Variants in UNC79 observed in about 807,000 individuals in gnomAD.
UNC79 encodes unc-79 subunit of NALCN channel complex, also known as protein unc-79 homolog.
Under a neutral mutation model 283.1 loss-of-function variants are expected in UNC79, and 37 were observed. The observed-to-expected ratio is 0.13, with a 90% confidence interval of 0.10 to 0.17. The LOEUF (loss-of-function observed/expected upper bound fraction) is 0.17. UNC79 is among the 10% of genes least tolerant of loss of function. The pLI, the probability that UNC79 is intolerant of heterozygous loss-of-function variation, is 1.00. For missense variants in UNC79, 2,272 were observed against 3,211.1 expected (o/e 0.71, Z 7.07); for synonymous variants, 1,107 against 1,200.2 (o/e 0.92, Z 1.61).
At chr14:93,693,661 G>A (rs2074873399) in intron 46 of UNC79, among the ~76,000 whole-genome samples, 1 of 152,150 alleles carries the variant, frequency 6.6e-6, no homozygotes, top group Non-Finnish European at 1.5e-5. Context: ...CAGATCTGCA[G>A]TGAATTAAAC....
exon 4 of UNC79, chr14:93,477,589 A>G: frequency 1.2e-6 from 2 of 1,609,338 alleles, no homozygotes; most frequent in East Asian, 2.2e-5. Flanking sequence ...ATACAACTAC[A>G]TGTTTGCTAC....
intron 41 of UNC79, among the ~76,000 whole-genome samples, chr14:93,679,268 G>A (rs1044923961): frequency 6.6e-6 from 1 of 152,148 alleles, no homozygotes; most frequent in African/African-American, 2.4e-5. Context: ...AGACCATCCT[G>A]GCTAACATGG....
chr14:93,558,206 G>A (rs527763540), intron 14 of UNC79, among the ~76,000 whole-genome samples: 388 of 152,284 alleles, frequency 2.5e-3, no homozygotes, highest in Non-Finnish European at 4.7e-3. Flanking sequence ...TCATATCACA[G>A]TACAGCAGAT....
intron 30 of UNC79, among the ~76,000 whole-genome samples, chr14:93,625,969 A>C (rs1196478124): frequency 6.6e-6 from 1 of 152,222 alleles, no homozygotes; most frequent in Non-Finnish European, 1.5e-5. Flanking sequence ...GCAACAGCAC[A>C]TGGGCCAAAT....
Position 93,467,664 on chromosome 14 carries a change from T to TTTTTTTTA in UNC79, c.23-7_23-6insTTTTTTTA. 8.2e-7 allele frequency: 1 copy of TTTTTTTTA among 1,224,134 alleles called. No individual in the cohort carries two copies. The highest frequency in any genetic ancestry group is 1.0e-6 in the Non-Finnish European group (1 of 979,748). 75.8% of individuals were successfully genotyped at this position (1,224,134 alleles called of 1,614,324 possible). A position where few individuals can be genotyped will look rare whatever the true frequency, so the allele number is the denominator to read the frequency against. On this transcript the variant is annotated splice_region_variant and splice_polypyrimidine_tract_variant and intron_variant, in intron 1 of 48. Coordinates refer to ENST00000555664, the Ensembl canonical transcript of UNC79. The stretch of plus-strand genomic sequence containing the variant: ...TTTTTTTTTTTTTTTTTTTTGCTTT[T>TTTTTTTTA]ATCTAGTTGCTTCCAAGATCCGGTA...
chr14:93,587,641 G>T (rs58447296), intron 22 of UNC79, among the ~76,000 whole-genome samples: 2,574 of 152,184 alleles, frequency 0.017, 37 homozygotes, highest in South Asian at 0.086. Flanking sequence ...AGTTTGGAAG[G>T]GGGTGAATCC....
Position 93,387,151 on chromosome 14 carries a change from C to A in UNC79, c.-351+53628C>A, listed in dbSNP as rs532910122. 2.6e-4 allele frequency among the ~76,000 whole-genome samples: 40 copies of A among 151,984 alleles called. 1 individual carries two copies. The South Asian group carries it at 3.9e-3, about 15-fold the overall frequency. On this transcript the variant is annotated intron_variant, in intron 1 of 49. Transcript: ENST00000256339. ...AGAGACGGGGTTTCACCATGTTAGTCAGGCTGGTCGCAAACTCCTGACCTC... is the reference window on the plus strand; with the variant it reads ...AGAGACGGGGTTTCACCATGTTAGTAAGGCTGGTCGCAAACTCCTGACCTC...
At chr14:93,477,767 T>G (rs2057886522) in intron 4 of UNC79, 39 bp downstream of exon 4, 1 of 1,573,466 alleles carries the variant, frequency 6.4e-7, no homozygotes. Flanking sequence ...TATTTTTATG[T>G]ATGATATGAA....
chr14:93,392,104 A>G (rs896165974), intron 1 of UNC79, among the ~76,000 whole-genome samples: 8 of 152,350 alleles, frequency 5.3e-5, no homozygotes, highest in African/African-American at 1.9e-4. Context: ...ATATATCCAC[A>G]TATGCAATGG....
At chr14:93,406,440 T>C (rs2055227253) in intron 1 of UNC79, among the ~76,000 whole-genome samples, 2 of 151,642 alleles carry the variant, frequency 1.3e-5, no homozygotes, top group South Asian at 2.1e-4. Context: ...AAAAGAAAAT[T>C]AGTCAGGCAT....
In UNC79 at chr14:93,621,988, T is replaced by C; in HGVS notation, c.4755T>C (p.Cys1585=). 6.2e-7 allele frequency: 1 copy of C among 1,613,964 alleles called. No homozygotes were observed. The change falls in exon 30 of 49, where the codon TGT becomes TGC. Residue 1585 remains cysteine (C), a synonymous_variant. Coordinates refer to ENST00000555664, the Ensembl canonical transcript of UNC79. This position sits in a 1 kb window ranked among gnomAD's most constrained non-coding sequence, Gnocchi z 4.8. Reference sequence around the variant, plus strand: ...TCATACCAGAGGTTAGGTTAAACTGTATGGAGACTTTCGAGGTGAAAGTTG... The same window carrying C: ...TCATACCAGAGGTTAGGTTAAACTGCATGGAGACTTTCGAGGTGAAAGTTG...
chr14:93,661,396 CT>C (rs1429024269), intron 39 of UNC79, among the ~76,000 whole-genome samples: 1 of 152,162 alleles, frequency 6.6e-6, no homozygotes, highest in Non-Finnish European at 1.5e-5. Flanking sequence ...CTCATGTGTC[CT>C]TTCCTACATA....
chr14:93,543,584 C>G (rs2061470969), intron 14 of UNC79, among the ~76,000 whole-genome samples: 1 of 151,942 alleles, frequency 6.6e-6, no homozygotes, highest in Admixed American at 6.6e-5. Context: ...TCAGGCTGGT[C>G]TCAGACTCTT....
chr14:93,536,120 T>C (rs2061059411), intron 11 of UNC79, among the ~76,000 whole-genome samples: 1 of 151,696 alleles, frequency 6.6e-6, no homozygotes, highest in Non-Finnish European at 1.5e-5. Flanking sequence ...CCTGCACAGC[T>C]AACATGCAAT....
chr14:93,577,560 G>T (rs996751740), intron 17 of UNC79, among the ~76,000 whole-genome samples: 1 of 152,298 alleles, frequency 6.6e-6, no homozygotes. Flanking sequence ...AAACAATCCG[G>T]TCTAATTGGA....
intron 48 of UNC79, among the ~76,000 whole-genome samples, chr14:93,705,158 G>C (rs1443483062): frequency 6.6e-6 from 1 of 151,932 alleles, no homozygotes; most frequent in Non-Finnish European, 1.5e-5. Flanking sequence ...TCACTTGGAA[G>C]CCCAGGAGTT....
Position 93,611,952 on chromosome 14 carries a change from G to C in UNC79, c.3755-845G>C, listed in dbSNP as rs576171692. 5.9e-5 allele frequency among the ~76,000 whole-genome samples: 9 copies of C among 152,222 alleles called. No individual in the cohort carries two copies. In the South Asian group the frequency reaches 1.9e-3, roughly 32 times the overall value. On this transcript the variant is annotated intron_variant, in intron 26 of 48. Transcript: ENST00000555664. ...AGTCCTGAACCAAACCTGATAAGAA[G>C]GGGCAGAAGAACAAAGAGAGACAAG...
intron 44 of UNC79, chr14:93,689,904 G>A: frequency 1.7e-6 from 1 of 576,510 alleles, no homozygotes; most frequent in Non-Finnish European, 3.0e-6. Flanking sequence ...ACCAAAGGCT[G>A]TTCTTTTCTC....
chr14:93,520,906 T>G (rs940071801), intron 7 of UNC79, among the ~76,000 whole-genome samples: 1 of 152,040 alleles, frequency 6.6e-6, no homozygotes, highest in Non-Finnish European at 1.5e-5. Context: ...TGATCTGTTT[T>G]CCCCCTGGTT....
Sources: allele counts gnomAD v4.1 joint callset (sites outside exome capture counted in the v4.1 genomes callset), GRCh38; gene constraint gnomAD v4.1.1; non-coding constraint Gnocchi (gnomAD v3.1); transcripts MANE v1.5; gene names NCBI Gene and HGNC (gene_info 2026-07-23, HGNC 2026-07-21).